STAG1: variants seen among roughly 807,000 people sequenced by gnomAD.
The protein encoded by STAG1 is cohesin subunit SA-1.
A neutral mutation model predicts 170.9 loss-of-function variants in STAG1; 26 were observed. The ratio of observed to expected loss-of-function variants is 0.15; its 90% CI spans 0.11 to 0.21. STAG1 has a LOEUF of 0.21. STAG1 is among the 10% of genes least tolerant of loss of function. The pLI is 1.00. For synonymous variants in STAG1, 514 were observed against 497.7 expected, an observed-to-expected ratio of 1.03 and a Z score of -0.44; for missense variants, 964 against 1,509.5, an observed-to-expected ratio of 0.64 and a Z score of 5.99.
At chr3:136,470,904 G>A (rs1048303946) in intron 12 of STAG1, among the ~76,000 whole-genome samples, 1 of 151,000 alleles carries the variant, frequency 6.6e-6, no homozygotes, top group Non-Finnish European at 1.5e-5. Context: ...AACACTGCAT[G>A]TTCTCACTCA....
At chr3:136,372,967 C>T (rs1208490217) in intron 23 of STAG1, among the ~76,000 whole-genome samples, 1 of 152,152 alleles carries the variant, frequency 6.6e-6, no homozygotes, top group East Asian at 1.9e-4. Flanking sequence ...GGCTGTGAAT[C>T]CATCTGGTCC....
chr3:136,695,810 G>C (rs542343488), intron 1 of STAG1, among the ~76,000 whole-genome samples: 96 of 151,380 alleles, frequency 6.3e-4, no homozygotes, highest in Non-Finnish European at 1.1e-3. Context: ...CTTACCAAGT[G>C]GGGGAAAAAA....
intron 23 of STAG1, among the ~76,000 whole-genome samples, 184 bp from the exon 24 acceptor site, chr3:136,369,466 C>T (rs138784822): frequency 6.6e-6 from 1 of 152,016 alleles, no homozygotes. Flanking sequence ...TCTCACTAAA[C>T]AAGTGTCATA....
At chr3:136,701,986 C>A (rs1943076499) in intron 1 of STAG1, among the ~76,000 whole-genome samples, 1 of 150,088 alleles carries the variant, frequency 6.7e-6, no homozygotes, top group Admixed American at 6.6e-5. Context: ...GAGGTAAGCT[C>A]ACAGCAGTCT....
chr3:136,574,294 T>A, intron 4 of STAG1, among the ~76,000 whole-genome samples: 1 of 151,398 alleles, frequency 6.6e-6, no homozygotes, highest in East Asian at 1.9e-4. Flanking sequence ...ACTTTTAATA[T>A]AAGAGCAGAT....
At chr3:136,707,456 T>C (rs1202272189) in intron 1 of STAG1, among the ~76,000 whole-genome samples, 3 of 152,208 alleles carry the variant, frequency 2.0e-5, no homozygotes, top group Non-Finnish European at 4.4e-5. Flanking sequence ...TCATCGGTCA[T>C]TAAAAGAATG....
chr3:136,467,387 C>G (rs999935677), intron 12 of STAG1, among the ~76,000 whole-genome samples: 4 of 151,982 alleles, frequency 2.6e-5, no homozygotes, highest in African/African-American at 9.7e-5. Context: ...GACTTTAAAC[C>G]AACAAAGACA....
At chr3:136,350,722 A>G (rs572322270) in intron 28 of STAG1, among the ~76,000 whole-genome samples, 1 of 152,248 alleles carries the variant, frequency 6.6e-6, no homozygotes, top group South Asian at 2.1e-4. Flanking sequence ...TGAAGAAGAA[A>G]CTGCAGCTGG....
At chr3:136,478,767 T>A (rs2089831434) in intron 9 of STAG1, among the ~76,000 whole-genome samples, 1 of 152,204 alleles carries the variant, frequency 6.6e-6, no homozygotes, top group South Asian at 2.1e-4. Flanking sequence ...TTAGTTTTCC[T>A]ACATTTTTTG....
intron 2 of STAG1, among the ~76,000 whole-genome samples, chr3:136,629,427 A>G (rs1227319016): frequency 6.6e-6 from 1 of 152,064 alleles, no homozygotes; most frequent in African/African-American, 2.4e-5. Flanking sequence ...GAAAGAAAAT[A>G]CTATAAGGGG....
chr3:136,609,170 A>G (rs1242597204), intron 3 of STAG1: 1 of 153,800 alleles, frequency 6.5e-6, no homozygotes, highest in Admixed American at 6.6e-5. Context: ...GAAGTCAAAA[A>G]AGGCAGCAGG....
At chr3:136,418,339 A>C in intron 20 of STAG1, among the ~76,000 whole-genome samples, 1 of 119,134 alleles carries the variant, frequency 8.4e-6, no homozygotes, top group Non-Finnish European at 1.7e-5. Flanking sequence ...CAGCCTGGGT[A>C]ACTGAGCAAG....
chr3:136,651,452 T>C (rs970175712), intron 1 of STAG1, among the ~76,000 whole-genome samples: 3 of 151,660 alleles, frequency 2.0e-5, no homozygotes, highest in Non-Finnish European at 4.4e-5. Context: ...GGCTGTAATA[T>C]TTACTAACTT....
intron 28 of STAG1, among the ~76,000 whole-genome samples, chr3:136,355,035 G>T (rs1936591667): frequency 6.6e-6 from 1 of 151,942 alleles, no homozygotes; most frequent in African/African-American, 2.4e-5. Flanking sequence ...AGACTCAACT[G>T]GTCAGGAAGA....
chr3:136,467,209 C>T (rs1209512200), intron 12 of STAG1, among the ~76,000 whole-genome samples: 2 of 152,116 alleles, frequency 1.3e-5, no homozygotes, highest in African/African-American at 4.8e-5. Context: ...AAGACACAGA[C>T]TGGCAAATTG....
intron 5 of STAG1, among the ~76,000 whole-genome samples, chr3:136,563,791 C>A (rs866926998): frequency 6.6e-6 from 1 of 151,780 alleles, no homozygotes. Context: ...GAGGCCAAGG[C>A]GGGTGGATCA....
intron 7 of STAG1, among the ~76,000 whole-genome samples, chr3:136,520,017 A>G (rs1934591526): frequency 6.6e-6 from 1 of 152,168 alleles, no homozygotes; most frequent in South Asian, 2.1e-4. Flanking sequence ...TAACAGAATA[A>G]CAGACACTAA....
chr3:136,636,841 T>C (rs1215511295), intron 1 of STAG1, among the ~76,000 whole-genome samples: 1 of 152,226 alleles, frequency 6.6e-6, no homozygotes, highest in Non-Finnish European at 1.5e-5. Flanking sequence ...GGCCAGAGCC[T>C]ATCCCAGCAG....
At chr3:136,752,113 G>C (rs1239640167) in intron 1 of STAG1, 82 bp downstream of exon 1, 3 of 153,282 alleles carry the variant, frequency 2.0e-5, no homozygotes, top group African/African-American at 7.3e-5. Flanking sequence ...ATCTTGGATC[G>C]GCGCTTCCAG....
Sources: allele counts gnomAD v4.1 joint callset (sites outside exome capture counted in the v4.1 genomes callset), GRCh38; gene constraint gnomAD v4.1.1; transcripts MANE v1.5; gene names NCBI Gene and HGNC (gene_info 2026-07-23, HGNC 2026-07-21).